FAM135B: variants seen among roughly 807,000 people sequenced by gnomAD.
The protein encoded by FAM135B is family with sequence similarity 135 member B.
In FAM135B, 43 loss-of-function variants were observed where a neutral mutation model predicts 127.7. That is an observed-to-expected ratio of 0.34 (90% CI 0.26 to 0.43). The LOEUF (loss-of-function observed/expected upper bound fraction) is 0.43. Ranked by LOEUF, FAM135B falls within the 20% of genes least tolerant of loss-of-function variation. The pLI, the probability that FAM135B is intolerant of heterozygous loss-of-function variation, is 1.00. For synonymous variants in FAM135B, 670 were observed against 665.1 expected (o/e 1.01, Z -0.11); for missense variants, 1,558 against 1,725.6 (o/e 0.90, Z 1.72).
At chr8:138,248,084 G>A (rs1380484260) in intron 6 of FAM135B, among the ~76,000 whole-genome samples, 1 of 152,122 alleles carries the variant, frequency 6.6e-6, no homozygotes, top group Non-Finnish European at 1.5e-5. Context: ...AATAAAAATC[G>A]ACTGAATGAA....
chr8:138,138,558 G>A (rs1339100055), intron 18 of FAM135B, among the ~76,000 whole-genome samples: 1 of 152,232 alleles, frequency 6.6e-6, no homozygotes, highest in Non-Finnish European at 1.5e-5. Context: ...GAGGGTGCAG[G>A]TATCATAGCA....
At chr8:138,245,399 T>C (rs1484865740) in intron 6 of FAM135B, among the ~76,000 whole-genome samples, 1 of 152,126 alleles carries the variant, frequency 6.6e-6, no homozygotes, top group Non-Finnish European at 1.5e-5. Context: ...TGAGAGGTAA[T>C]TGAATCATGG....
At chr8:138,177,248 C>G in intron 11 of FAM135B, 99 bp downstream of exon 11, 1 of 1,143,172 alleles carries the variant, frequency 8.7e-7, no homozygotes, top group Non-Finnish European at 1.3e-6. Flanking sequence ...GGGCAGACTT[C>G]TCTCCTTCAC....
intron 7 of FAM135B, among the ~76,000 whole-genome samples, chr8:138,240,799 C>G (rs1299914987): frequency 6.6e-6 from 1 of 152,170 alleles, no homozygotes; most frequent in African/African-American, 2.4e-5. Flanking sequence ...AGGACAGAAA[C>G]CTTCTCATAA....
chr8:138,443,615 G>A (rs1835935161), intron 1 of FAM135B, among the ~76,000 whole-genome samples: 1 of 152,138 alleles, frequency 6.6e-6, no homozygotes, highest in South Asian at 2.1e-4. Flanking sequence ...TGTTTACTAA[G>A]CACTGACTGA....
At chr8:138,471,475 G>T (rs1452870934) in intron 1 of FAM135B, among the ~76,000 whole-genome samples, 1 of 152,124 alleles carries the variant, frequency 6.6e-6, no homozygotes, top group Non-Finnish European at 1.5e-5. Context: ...GTGATAGTAA[G>T]GTGACACAGG....
At chr8:138,419,166 T>G (rs1248253042) in intron 1 of FAM135B, among the ~76,000 whole-genome samples, 1 of 152,062 alleles carries the variant, frequency 6.6e-6, no homozygotes, top group Non-Finnish European at 1.5e-5. Flanking sequence ...GAAAGATCTA[T>G]CAAGCAAACA....
chr8:138,333,249 C>T (rs1828317965), intron 2 of FAM135B, among the ~76,000 whole-genome samples: 1 of 152,158 alleles, frequency 6.6e-6, no homozygotes, highest in Admixed American at 6.5e-5. Flanking sequence ...ACCTCGGACC[C>T]TGTTTGCTCA....
At chr8:138,211,681 A>T (rs532117745) in intron 7 of FAM135B, among the ~76,000 whole-genome samples, 1 of 152,318 alleles carries the variant, frequency 6.6e-6, no homozygotes, top group East Asian at 1.9e-4. Context: ...ATCTGCTAGT[A>T]CACTGCTGAA....
chr8:138,411,350 T>A (rs1445692384), intron 1 of FAM135B, among the ~76,000 whole-genome samples: 1 of 152,038 alleles, frequency 6.6e-6, no homozygotes, highest in Non-Finnish European at 1.5e-5. Flanking sequence ...TCTACAACTA[T>A]CTGATGACAA....
chr8:138,463,613 C>T (rs1464840845), intron 1 of FAM135B, among the ~76,000 whole-genome samples: 1 of 152,106 alleles, frequency 6.6e-6, no homozygotes, highest in Non-Finnish European at 1.5e-5. Flanking sequence ...TAAAGCGCTC[C>T]ACAAATACCA....
chr8:138,185,098 G>T (rs1177493125), intron 9 of FAM135B, among the ~76,000 whole-genome samples: 1 of 152,172 alleles, frequency 6.6e-6, no homozygotes, highest in Non-Finnish European at 1.5e-5. Flanking sequence ...TCCCTGACCT[G>T]CGGGACAGGG....
rs747666977 is a variant in FAM135B, at chr8:138,167,900, G to T, written c.1253C>A (p.Ala418Glu). ...IFEDRYVDCP[A>E]TGHNLSVYPN... ...CCAAAACAAAACAGACAAACCTGTC[G>T]CAGGGCAGTCCACGTATCTGTCCTC... is the stretch of plus-strand genomic sequence containing the variant. The change falls in exon 12 of 20, where the codon GCG becomes GAG. Residue 418 changes from alanine to glutamate, a missense_variant. Ala to Glu is a moderately radical substitution (Grantham distance 107). Transcript: ENST00000395297. 6 of 1,608,992 alleles carry T rather than the reference G, an allele frequency of 3.7e-6. No homozygotes were observed. The highest frequency in any genetic ancestry group is 2.2e-5 in the South Asian group (2 of 90,302).
intron 1 of FAM135B, among the ~76,000 whole-genome samples, chr8:138,488,973 A>G (rs768860401): frequency 6.6e-6 from 1 of 152,080 alleles, no homozygotes; most frequent in Non-Finnish European, 1.5e-5. Context: ...CGTTTGTTTG[A>G]TTTTTTGAAT....
At chr8:138,387,535 C>G (rs1412814100) in intron 1 of FAM135B, among the ~76,000 whole-genome samples, 1 of 152,144 alleles carries the variant, frequency 6.6e-6, no homozygotes, top group Non-Finnish European at 1.5e-5. Flanking sequence ...AATCCAGAAC[C>G]TCACATTCTC....
At chr8:138,252,546 G>C (rs535349729) in intron 5 of FAM135B, among the ~76,000 whole-genome samples, 2 of 152,242 alleles carry the variant, frequency 1.3e-5, no homozygotes, top group Admixed American at 1.3e-4. Context: ...AAAGAATTAA[G>C]AATGGAGAGG....
At chr8:138,321,877 G>A (rs1432985891) in intron 2 of FAM135B, among the ~76,000 whole-genome samples, 1 of 152,180 alleles carries the variant, frequency 6.6e-6, no homozygotes, top group Non-Finnish European at 1.5e-5. Flanking sequence ...CGAGGTCCCT[G>A]TGAAGAGGAG....
At chr8:138,307,731 G>C (rs909584787) in intron 3 of FAM135B, among the ~76,000 whole-genome samples, 1 of 31,638 alleles carries the variant, frequency 3.2e-5, no homozygotes. Context: ...CCCCATTGTG[G>C]TAAAAAAAAA....
At chr8:138,395,162 T>C (rs1832782801) in intron 1 of FAM135B, among the ~76,000 whole-genome samples, 1 of 152,202 alleles carries the variant, frequency 6.6e-6, no homozygotes, top group South Asian at 2.1e-4. Flanking sequence ...ACTTATCTAA[T>C]AAGACTGCAG....
Sources: allele counts gnomAD v4.1 joint callset (sites outside exome capture counted in the v4.1 genomes callset), GRCh38; gene constraint gnomAD v4.1.1; transcripts MANE v1.5; gene names NCBI Gene and HGNC (gene_info 2026-07-23, HGNC 2026-07-21).